The following STXBP5L variants were observed in gnomAD, a reference collection of about 807,000 sequenced individuals.
STXBP5L encodes syntaxin binding protein 5L.
In STXBP5L, 65 loss-of-function variants were observed where a neutral mutation model predicts 144.5. The observed-to-expected ratio is 0.45, with a 90% confidence interval of 0.37 to 0.55. The LOEUF (loss-of-function observed/expected upper bound fraction) is 0.55, where lower values mean the gene tolerates loss of function less well. Among genes scored for constraint, STXBP5L ranks in the 20% least tolerant of loss-of-function variants. The pLI is 0.00. For synonymous variants in STXBP5L, 505 were observed against 469.6 expected (o/e 1.08, Z -0.97); for missense variants, 1,298 against 1,405.5 (o/e 0.92, Z 1.22).
At chr3:121,137,291 CT>C (rs1189798504) in intron 7 of STXBP5L, among the ~76,000 whole-genome samples, 1 of 151,950 alleles carries the variant, frequency 6.6e-6, no homozygotes, top group Non-Finnish European at 1.5e-5. Flanking sequence ...AATTGGTAAA[CT>C]TTTAGCTACA....
At chr3:120,933,883 T>TA (rs886966171) in intron 2 of STXBP5L, among the ~76,000 whole-genome samples, 4 of 152,036 alleles carry the variant, frequency 2.6e-5, no homozygotes, top group African/African-American at 9.7e-5. Context: ...ACCAAAGTTT[T>TA]AAAAAAATCT....
At chr3:121,212,949 C>G (rs1255124555) in intron 10 of STXBP5L, among the ~76,000 whole-genome samples, 2 of 152,058 alleles carry the variant, frequency 1.3e-5, no homozygotes, top group African/African-American at 4.8e-5. Context: ...AAATTGTATT[C>G]CTAGGTATTT....
At chr3:121,321,907 A>T (rs896246105) in intron 20 of STXBP5L, among the ~76,000 whole-genome samples, 3 of 152,188 alleles carry the variant, frequency 2.0e-5, no homozygotes, top group Non-Finnish European at 4.4e-5. Flanking sequence ...TTACATGGGT[A>T]TATTGCATGA....
rs143373081 is a variant in STXBP5L, at chr3:121,274,222, TG to T, written c.1959-5579del. On this transcript the variant is annotated intron_variant, in intron 18 of 26. Transcript: ENST00000471454. ...TCTGGTCTTTTTGAAGTAGATACAG[TG>T]GGGAAATGCTTTCAGCTGTGAATGG... Among the ~76,000 whole-genome samples, 1,368 of 152,184 alleles carry T rather than the reference TG, an allele frequency of 9.0e-3. 9 individuals carry two copies. The highest frequency in any genetic ancestry group is 0.014 in the Non-Finnish European group (948 of 68,000).
chr3:121,361,464 G>A (rs2045711028), intron 20 of STXBP5L, among the ~76,000 whole-genome samples: 1 of 151,864 alleles, frequency 6.6e-6, no homozygotes, highest in Admixed American at 6.6e-5. Context: ...ATTGTAGCAT[G>A]CTTCATTCTT....
chr3:120,924,361 T>C (rs1709502300), intron 2 of STXBP5L, among the ~76,000 whole-genome samples: 2 of 152,198 alleles, frequency 1.3e-5, no homozygotes, highest in African/African-American at 4.8e-5. Flanking sequence ...GGCATAAGAC[T>C]TCTATTTATT....
At chr3:121,133,338 G>A (rs1006712295) in intron 7 of STXBP5L, among the ~76,000 whole-genome samples, 1 of 152,142 alleles carries the variant, frequency 6.6e-6, no homozygotes, top group Admixed American at 6.6e-5. Context: ...GTTATTATCA[G>A]ACTGTCAGAA....
intron 3 of STXBP5L, among the ~76,000 whole-genome samples, chr3:121,031,778 G>A (rs969800435): frequency 1.3e-5 from 2 of 152,138 alleles, no homozygotes; most frequent in East Asian, 1.9e-4. Flanking sequence ...GAGTTGCAAT[G>A]TGAAAGATTT....
intron 3 of STXBP5L, among the ~76,000 whole-genome samples, chr3:121,002,405 T>A (rs1431403721): frequency 2.0e-5 from 3 of 152,182 alleles, no homozygotes; most frequent in Non-Finnish European, 4.4e-5. Context: ...TTGAGGGTTT[T>A]TTTTGTTATT....
chr3:121,141,629 A>G (rs1021633471), intron 7 of STXBP5L, among the ~76,000 whole-genome samples: 2 of 152,178 alleles, frequency 1.3e-5, no homozygotes, highest in Non-Finnish European at 1.5e-5. Flanking sequence ...CAACAATACT[A>G]TAAAGTATGT....
At chr3:120,967,853 AT>A (rs1464886430) in intron 3 of STXBP5L, among the ~76,000 whole-genome samples, 16 of 152,138 alleles carry the variant, frequency 1.1e-4, no homozygotes, top group Non-Finnish European at 2.1e-4. Context: ...AAACTTCTTC[AT>A]TAAACCATTC....
chr3:120,953,985 G>A (rs1027115499), intron 2 of STXBP5L, among the ~76,000 whole-genome samples: 4 of 152,074 alleles, frequency 2.6e-5, no homozygotes, highest in African/African-American at 9.7e-5. Context: ...GGAACAGAAA[G>A]AAAAGTTGAA....
intron 20 of STXBP5L, among the ~76,000 whole-genome samples, chr3:121,344,783 C>A (rs1208477033): frequency 1.3e-5 from 2 of 151,684 alleles, no homozygotes; most frequent in Non-Finnish European, 2.9e-5. Flanking sequence ...ATACTAATTT[C>A]ACCTTTCATA....
chr3:121,016,326 T>C (rs2108174361), intron 3 of STXBP5L, among the ~76,000 whole-genome samples: 1 of 152,278 alleles, frequency 6.6e-6, no homozygotes, highest in East Asian at 1.9e-4. Flanking sequence ...AATGAAACTA[T>C]GTGAAAAGAT....
At chr3:120,934,091 C>CTTTTTTTTTTTTTTT (rs200329422) in intron 2 of STXBP5L, among the ~76,000 whole-genome samples, 1 of 138,072 alleles carries the variant, frequency 7.2e-6, no homozygotes, top group Non-Finnish European at 1.6e-5. Flanking sequence ...TTTTCTTTTT[C>CTTTTTTTTTTTTTTT]TTTTTTTTTT....
intron 5 of STXBP5L, among the ~76,000 whole-genome samples, chr3:121,108,456 A>G (rs939901794): frequency 1.3e-5 from 2 of 152,172 alleles, no homozygotes; most frequent in Non-Finnish European, 2.9e-5. Context: ...CCTTTTCTAC[A>G]TCTATTAAGA....
chr3:120,977,280 A>T (rs1181523222), intron 3 of STXBP5L, among the ~76,000 whole-genome samples: 1 of 152,114 alleles, frequency 6.6e-6, no homozygotes, highest in African/African-American at 2.4e-5. Flanking sequence ...TGTTGAATTG[A>T]TCCCTTTACC....
At chr3:121,187,482 A>G (rs1052128826) in intron 9 of STXBP5L, among the ~76,000 whole-genome samples, 2 of 151,950 alleles carry the variant, frequency 1.3e-5, no homozygotes, top group African/African-American at 4.8e-5. Context: ...TGGGTGCAGC[A>G]TACCAACATG....
Position 121,370,152 on chromosome 3 carries a change from G to A in STXBP5L, c.2177-8564G>A, listed in dbSNP as rs573611681. Among the ~76,000 whole-genome samples the A allele has an allele frequency of 1.8e-4, 27 of 152,216 alleles. No homozygotes were observed. In the South Asian group the frequency reaches 5.0e-3, roughly 28 times the overall value. ...AGGTCGAGGCAGGTGGATCACTTGA[G>A]GTCAGGAGTTCAAGACCAACCTGGC... On this transcript the variant is annotated intron_variant, in intron 20 of 26. Transcript: ENST00000471454.
Sources: gnomAD v4.1 joint callset for allele counts (sites outside exome capture counted in the v4.1 genomes callset) on GRCh38, gnomAD v4.1.1 for gene constraint, MANE v1.5 for transcripts, NCBI Gene and HGNC (gene_info 2026-07-23, HGNC 2026-07-21) for gene names.